LTN1: variants seen among roughly 807,000 people sequenced by gnomAD.
LTN1 encodes E3 ubiquitin-protein ligase listerin.
In LTN1, 88 loss-of-function variants were observed where a neutral mutation model predicts 201.2. That is an observed-to-expected ratio of 0.44 (90% CI 0.37 to 0.52). The LOEUF is 0.52. Among genes scored for constraint, LTN1 ranks in the 20% least tolerant of loss-of-function variants. The probability of loss-of-function intolerance (pLI) is 0.00; values close to 1 mark genes in which losing one functional copy is unlikely to be tolerated. For missense variants in LTN1, 1,752 were observed against 2,038.7 expected (o/e 0.86, Z 2.71); for synonymous variants, 645 against 713.5 (o/e 0.90, Z 1.53).
chr21:28,962,222 T>C (rs1254217595), intron 11 of LTN1, among the ~76,000 whole-genome samples: 3 of 152,214 alleles, frequency 2.0e-5, no homozygotes, highest in African/African-American at 7.2e-5. Flanking sequence ...AAATTCAACA[T>C]AATGTACAGG....
At chr21:28,979,584 C>T (rs1204406740) in intron 6 of LTN1, among the ~76,000 whole-genome samples, 1 of 152,116 alleles carries the variant, frequency 6.6e-6, no homozygotes, top group African/African-American at 2.4e-5. Flanking sequence ...CACAAAAGCA[C>T]GTTTTTCAAA....
intron 6 of LTN1, 57 bp from the exon 7 acceptor site, chr21:28,971,501 T>A (rs956318995): frequency 2.2e-5 from 32 of 1,478,188 alleles, no homozygotes; most frequent in Non-Finnish European, 3.0e-5. Context: ...ATAAGATTTT[T>A]AATTTATGGT....
intron 3 of LTN1, 150 bp from the exon 4 acceptor site, chr21:28,985,072 G>T: frequency 8.8e-6 from 5 of 566,062 alleles, no homozygotes; most frequent in South Asian, 5.3e-5. Flanking sequence ...ATAATTTGGA[G>T]GTTTTTAAAT....
rs762167279 is a variant in LTN1, at chr21:28,956,979, A to G, written c.2893-31T>C. On this transcript the variant is annotated intron_variant, in intron 15 of 29. Coordinates refer to ENST00000361371, the MANE Select transcript of LTN1 (RefSeq NM_015565.3). ...AAAAGAATACGTTATATACAAAATT[A>G]TTTATTACCTAAGCAATTGAGACTG... The G allele has an allele frequency of 1.0e-5, 14 of 1,338,252 alleles. No homozygotes were observed. In the South Asian group the frequency reaches 2.1e-4, roughly 20 times the overall value. 82.9% of individuals were successfully genotyped at this position (1,338,252 alleles called of 1,614,324 possible). A position where few individuals can be genotyped will look rare whatever the true frequency, so the allele number is the denominator to read the frequency against.
At chr21:28,991,359 C>A (rs537573346) in intron 1 of LTN1, among the ~76,000 whole-genome samples, 6 of 152,050 alleles carry the variant, frequency 3.9e-5, no homozygotes, top group Admixed American at 2.0e-4. Flanking sequence ...AAGGCTGTAT[C>A]CTGGATTACA....
At chr21:28,960,327 A>G (rs1341004691) in intron 12 of LTN1, among the ~76,000 whole-genome samples, 190 bp downstream of exon 12, 1 of 151,634 alleles carries the variant, frequency 6.6e-6, no homozygotes, top group Non-Finnish European at 1.5e-5. Flanking sequence ...ACTGCACTCC[A>G]GCCTAGACGA....
rs2084242556 is a variant in LTN1, at chr21:28,934,983, C to T, written c.4875+126G>A. On this transcript the variant is annotated intron_variant, in intron 27 of 29. Transcript: ENST00000361371. ...AAAGCGTTGGGATTAAGGCATGAGC[C>T]ACGACTCCTGGCCACCAGTTTCTAT... 3 of 687,372 alleles carry T rather than the reference C, an allele frequency of 4.4e-6. No individual in the cohort carries two copies. The South Asian group carries it at 5.5e-5, about 13-fold the overall frequency. 42.6% of individuals were successfully genotyped at this position (687,372 alleles called of 1,614,324 possible).
At position 28,928,706 on chromosome 21, in the gene LTN1, T is replaced by G. The variant is rs1007521505; in HGVS notation, c.*1742A>C. On this transcript the variant is annotated 3_prime_UTR_variant, in exon 30 of 30. Coordinates refer to ENST00000361371, the MANE Select transcript of LTN1 (RefSeq NM_015565.3). The stretch of plus-strand genomic sequence containing the variant: ...TTATTTAATTATAACTACTTAATTA[T>G]AGTGTTTCACCAAGAATCTGATGCC... 1 of 152,144 alleles carries G rather than the reference T, an allele frequency of 6.6e-6. No individual in the cohort carries two copies. The highest frequency in any genetic ancestry group is 1.5e-5 in the Non-Finnish European group (1 of 67,982). The allele number at this position is 152,144 out of a possible 1,614,324, so 9.4% of individuals were successfully genotyped here. A position where few individuals can be genotyped will look rare whatever the true frequency, so the allele number is the denominator to read the frequency against.
intron 1 of LTN1, among the ~76,000 whole-genome samples, chr21:28,990,875 T>C (rs1292721182): frequency 6.6e-6 from 1 of 152,124 alleles, no homozygotes; most frequent in African/African-American, 2.4e-5. Flanking sequence ...GAAACCCAAA[T>C]GGTAACTAAA....
chr21:28,965,079 AAT>A (rs1380555619), intron 11 of LTN1, among the ~76,000 whole-genome samples: 7 of 152,218 alleles, frequency 4.6e-5, no homozygotes, highest in Non-Finnish European at 8.8e-5. Flanking sequence ...CAACGATGTA[AAT>A]ATACTTGATG....
chr21:28,944,876 A>G (rs926978101), intron 21 of LTN1, among the ~76,000 whole-genome samples: 7 of 152,206 alleles, frequency 4.6e-5, no homozygotes, highest in Admixed American at 2.6e-4. Flanking sequence ...CACATTAAAT[A>G]CACATTTATA....
intron 1 of LTN1, 128 bp downstream of exon 1, chr21:28,992,636 G>C (rs1409558943): frequency 3.1e-6 from 3 of 958,132 alleles, no homozygotes; most frequent in Non-Finnish European, 1.6e-6. Flanking sequence ...ACAACAGAGA[G>C]GTCACACTCG....
Position 28,957,493 on chromosome 21 carries a change from G to T in LTN1, c.2748-17C>A. 2 of 1,524,210 alleles carry T rather than the reference G, an allele frequency of 1.3e-6. No individual in the cohort carries two copies. Among genetic ancestry groups the T allele is most frequent in the South Asian group, 1.3e-5 (1 of 75,878 alleles). The allele number at this position is 1,524,210 out of a possible 1,614,324, so 94.4% of individuals were successfully genotyped here. A position where few individuals can be genotyped will look rare whatever the true frequency, so the allele number is the denominator to read the frequency against. ...ACTTGGAGACTAAAAATAATGCAGA[G>T]AACTTAACTGTTGTAGTTACGCTAT... On this transcript the variant is annotated splice_polypyrimidine_tract_variant and intron_variant, in intron 14 of 29. Coordinates refer to ENST00000361371, the MANE Select transcript of LTN1 (RefSeq NM_015565.3).
chr21:28,985,793 T>C (rs1276872330), intron 3 of LTN1, among the ~76,000 whole-genome samples: 1 of 152,044 alleles, frequency 6.6e-6, no homozygotes, highest in Non-Finnish European at 1.5e-5. Flanking sequence ...CCCAAGTAGC[T>C]GGGATTACAG....
chr21:28,946,177 GCT>G lies in LTN1; in HGVS notation c.3596_3597del (p.Glu1199AlafsTer2). On this transcript the variant is annotated frameshift_variant, in exon 20 of 30. Coordinates refer to ENST00000361371, the MANE Select transcript of LTN1 (RefSeq NM_015565.3). LOFTEE classifies it high-confidence loss of function. ...CAACTGAAAAGAAAAATATCTTCAT[GCT>G]CTTTCTTCCAGGATATTATGATTTT... ...ILKIIISWKKEHEDIFLFSCN... is the reference protein window; with the variant it reads ...ILKIIISWKKXHEDIFLFSCN... 6.3e-7 allele frequency: 1 copy of G among 1,582,008 alleles called. No homozygotes were observed. Among genetic ancestry groups the G allele is most frequent in the Non-Finnish European group, 8.6e-7 (1 of 1,165,144 alleles).
At chr21:28,957,977 A>G (rs1181045383) in intron 14 of LTN1, among the ~76,000 whole-genome samples, 1 of 152,196 alleles carries the variant, frequency 6.6e-6, no homozygotes, top group African/African-American at 2.4e-5. Context: ...ATGACAAAGG[A>G]TAGTATCACC....
Position 28,958,443 on chromosome 21 carries a change from T to C in LTN1, c.2690A>G (p.His897Arg). 2 of 1,611,998 alleles carry C rather than the reference T, an allele frequency of 1.2e-6. No homozygotes were observed. The highest frequency in any genetic ancestry group is 1.7e-6 in the Non-Finnish European group (2 of 1,179,186). ...GTTCTTCAGCCACAGAGCAGACAAA[T>C]GTAGGAAGGTACTCTCTTTATATGA... Reference protein sequence around the residue: ...DSSYKESTFLHLSALWLKNQV... With the variant: ...DSSYKESTFLRLSALWLKNQV... Residue 897 changes from histidine to arginine, a missense_variant, in exon 14 of 30, where the codon CAT becomes CGT. Transcript: ENST00000361371.
At position 28,960,617 on chromosome 21, in the gene LTN1, A is replaced by G. The variant is rs2084469216; in HGVS notation, c.2253T>C (p.Cys751=). 1 of 1,613,994 alleles carries G rather than the reference A, an allele frequency of 6.2e-7. No individual in the cohort carries two copies. Among genetic ancestry groups the G allele is most frequent in the Non-Finnish European group, 8.5e-7 (1 of 1,179,870 alleles). ...LGEKLVNLAD[C]LCNEDLESRV... ...TGGATTCCAAGTCCTCATTACAAAG[A>G]CAATCTGCCAAGTTGACCAATTTCT... Residue 751 remains cysteine, a synonymous_variant, in exon 12 of 30, where the codon TGT becomes TGC. Coordinates refer to ENST00000361371, the MANE Select transcript of LTN1 (RefSeq NM_015565.3).
intron 1 of LTN1, 43 bp downstream of exon 1, chr21:28,992,721 T>C (rs767928719): frequency 1.9e-6 from 3 of 1,611,696 alleles, no homozygotes; most frequent in Non-Finnish European, 1.7e-6. Flanking sequence ...GCCAGCCGCC[T>C]CGAAGCGAGG....
Sources: gnomAD v4.1 joint callset for allele counts (sites outside exome capture counted in the v4.1 genomes callset) on GRCh38, gnomAD v4.1.1 for gene constraint, MANE v1.5 for transcripts, NCBI Gene and HGNC (gene_info 2026-07-23, HGNC 2026-07-21) for gene names.